The following ST6GAL1 variants were observed in gnomAD, a reference collection of about 807,000 sequenced individuals.
ST6GAL1 encodes the protein ST6 beta-galactoside alpha-2,6-sialyltransferase 1.
In ST6GAL1, 20 loss-of-function variants were observed where a neutral mutation model predicts 38.0. The ratio of observed to expected loss-of-function variants is 0.53; its 90% confidence interval spans 0.37 to 0.77. ST6GAL1 has a LOEUF of 0.77. ST6GAL1 is among the 30% of genes least tolerant of loss of function. ST6GAL1 has a pLI of 0.00. For missense variants in ST6GAL1, 432 were observed against 496.4 expected (o/e 0.87, Z 1.23); for synonymous variants, 196 against 188.2 (o/e 1.04, Z -0.34).
At chr3:186,984,733 T>C (rs1361422213) in intron 2 of ST6GAL1, among the ~76,000 whole-genome samples, 1 of 100,140 alleles carries the variant, frequency 1.0e-5, no homozygotes, top group African/African-American at 3.5e-5. Flanking sequence ...CTCCCTTCCT[T>C]CCTTCCTTCC....
intron 2 of ST6GAL1, among the ~76,000 whole-genome samples, chr3:187,024,284 G>A (rs563258598): frequency 4.7e-4 from 71 of 151,294 alleles, no homozygotes; most frequent in African/African-American, 1.7e-3. Context: ...TAGTAGAGAC[G>A]GGGGTTTCAC....
At chr3:187,028,335 C>CT (rs1717617316) in intron 2 of ST6GAL1, among the ~76,000 whole-genome samples, 1 of 152,108 alleles carries the variant, frequency 6.6e-6, no homozygotes, top group Non-Finnish European at 1.5e-5. Flanking sequence ...TCTATCGTGA[C>CT]TTTTTTCTTC....
rs1311490515 is a variant in ST6GAL1 at position 187,005,524 on chromosome 3, C to T, written c.-182-33218C>T. On this transcript the variant is annotated intron_variant, in intron 2 of 7. Coordinates refer to ENST00000169298, the MANE Select transcript of ST6GAL1 (RefSeq NM_173216.2). ...TCTCCTGACCTCGTGATCTGCCCGC[C>T]TCGGCCTCCCAAAGTGCTGGGATTA... 2.0e-5 allele frequency among the ~76,000 whole-genome samples: 3 copies of T among 152,052 alleles called. No homozygotes were observed. The East Asian group carries it at 5.8e-4, about 29-fold the overall frequency.
intron 2 of ST6GAL1, among the ~76,000 whole-genome samples, chr3:186,967,309 A>G (rs1325900384): frequency 6.6e-6 from 1 of 152,144 alleles, no homozygotes; most frequent in East Asian, 1.9e-4. Context: ...CTCCTACTTC[A>G]GCCTCCCAAG....
At chr3:187,020,374 C>T (rs1421475329) in intron 2 of ST6GAL1, among the ~76,000 whole-genome samples, 1 of 152,204 alleles carries the variant, frequency 6.6e-6, no homozygotes, top group African/African-American at 2.4e-5. Flanking sequence ...ATGACTTAAA[C>T]TCTCTGAGTT....
chr3:187,031,598 G>A (rs1055135611), intron 2 of ST6GAL1, among the ~76,000 whole-genome samples: 6 of 151,932 alleles, frequency 3.9e-5, no homozygotes, highest in African/African-American at 9.7e-5. Context: ...ACCACGCCCC[G>A]CTAGTTTTGT....
rs116557699 is a variant in ST6GAL1 at position 186,977,299 on chromosome 3, C to T, written c.-183+13373C>T. On this transcript the variant is annotated intron_variant, in intron 2 of 7. Transcript: ENST00000169298. ...ACCAGCGGTTTCCCTTAGCCACCAC[C>T]GCTAGCAGAACCCTGATTTAGTTCC... 2.5e-3 allele frequency among the ~76,000 whole-genome samples: 383 copies of T among 152,302 alleles called. 2 individuals carry two copies. Among genetic ancestry groups the T allele is most frequent in the African/African-American group, 8.6e-3 (359 of 41,552 alleles).
intron 5 of ST6GAL1, among the ~76,000 whole-genome samples, chr3:187,059,230 G>A (rs1718826058): frequency 6.6e-6 from 1 of 152,128 alleles, no homozygotes; most frequent in Non-Finnish European, 1.5e-5. Flanking sequence ...AGATACCCCT[G>A]GCTAAGTTGG....
chr3:187,038,209 T>C (rs961804104), intron 2 of ST6GAL1, among the ~76,000 whole-genome samples: 1 of 149,720 alleles, frequency 6.7e-6, no homozygotes, highest in Non-Finnish European at 1.5e-5. Flanking sequence ...TTTTTTTTTT[T>C]TTTTTTTTTC....
At chr3:186,963,189 T>A (rs1470694686) in intron 1 of ST6GAL1, among the ~76,000 whole-genome samples, 4 of 152,188 alleles carry the variant, frequency 2.6e-5, no homozygotes, top group African/African-American at 9.7e-5. Flanking sequence ...CAGTTAAAAA[T>A]GCTTCCAAAA....
intron 2 of ST6GAL1, among the ~76,000 whole-genome samples, chr3:187,028,380 A>C (rs1717619157): frequency 6.6e-6 from 1 of 152,210 alleles, no homozygotes; most frequent in African/African-American, 2.4e-5. Context: ...CCCAAACTAT[A>C]TCACTGTCTA....
intron 4 of ST6GAL1, among the ~76,000 whole-genome samples, chr3:187,050,161 A>G (rs1331685178): frequency 1.3e-5 from 2 of 152,172 alleles, no homozygotes; most frequent in African/African-American, 2.4e-5. Context: ...TGTTCAGTCA[A>G]ATGCCCTCAC....
chr3:186,932,176 C>T (rs1242923162), intron 1 of ST6GAL1, among the ~76,000 whole-genome samples: 1 of 152,206 alleles, frequency 6.6e-6, no homozygotes, highest in African/African-American at 2.4e-5. Flanking sequence ...AATCCTATTC[C>T]GCTGTTATTG....
chr3:187,015,798 C>T (rs1717095650), intron 2 of ST6GAL1, among the ~76,000 whole-genome samples: 1 of 152,006 alleles, frequency 6.6e-6, no homozygotes, highest in South Asian at 2.1e-4. Flanking sequence ...GTGATTGAGC[C>T]ACTGCATTCC....
chr3:187,037,941 T>A (rs547354391), intron 2 of ST6GAL1, among the ~76,000 whole-genome samples: 2 of 152,244 alleles, frequency 1.3e-5, no homozygotes, highest in Non-Finnish European at 2.9e-5. Flanking sequence ...ATTTTTTTTC[T>A]GAATTTGGAT....
At chr3:187,007,146 T>C (rs986274724) in intron 2 of ST6GAL1, among the ~76,000 whole-genome samples, 1 of 152,160 alleles carries the variant, frequency 6.6e-6, no homozygotes, top group Non-Finnish European at 1.5e-5. Flanking sequence ...TGACTCACGA[T>C]GAACATGGAT....
intron 1 of ST6GAL1, among the ~76,000 whole-genome samples, chr3:186,936,874 G>A (rs771442626): frequency 1.4e-4 from 21 of 150,708 alleles, no homozygotes; most frequent in Non-Finnish European, 2.1e-4. Context: ...CCCTGGAGGC[G>A]GAGGTTGCAG....
At position 186,940,584 on chromosome 3, in the gene ST6GAL1, G is replaced by GT. The variant is rs1379425877; in HGVS notation, c.-325+9757dup. 3.9e-5 allele frequency among the ~76,000 whole-genome samples: 6 copies of GT among 152,090 alleles called. No individual in the cohort carries two copies. In the East Asian group the frequency reaches 7.7e-4, roughly 20 times the overall value. ...CGTAAACTTTCTTTAAAAATTATGC[G>GT]TTTTTTTGTGTTTTTCTTTTTTCTT... On this transcript the variant is annotated intron_variant, in intron 1 of 7. Transcript: ENST00000169298.
chr3:186,944,784 T>C lies in ST6GAL1; in HGVS notation c.-325+13950T>C, dbSNP rs550898642. 1.1e-4 allele frequency among the ~76,000 whole-genome samples: 16 copies of C among 152,292 alleles called. No homozygotes were observed. The East Asian group carries it at 3.1e-3, about 29-fold the overall frequency. On this transcript the variant is annotated intron_variant, in intron 1 of 7. Transcript: ENST00000169298. ...AAAGGTGGGCCTTCAAAAGGGTAAT[T>C]GGAGAGTCTGCGGAGGCACTCGTCG...
Sources: allele counts gnomAD v4.1 joint callset (sites outside exome capture counted in the v4.1 genomes callset), GRCh38; gene constraint gnomAD v4.1.1; transcripts MANE v1.5; gene names NCBI Gene and HGNC (gene_info 2026-07-23, HGNC 2026-07-21).